The following SYT16 variants were observed in gnomAD, a reference collection of about 807,000 sequenced individuals.
SYT16 encodes the protein synaptotagmin-16.
A neutral mutation model predicts 61.4 loss-of-function variants in SYT16; 42 were observed. That is an observed-to-expected ratio of 0.68 (90% CI 0.53 to 0.89). The LOEUF is 0.89. Ranked by LOEUF, SYT16 falls within the 40% of genes least tolerant of loss-of-function variation. The pLI is 0.00. For synonymous variants in SYT16, 314 were observed against 302.3 expected, an observed-to-expected ratio of 1.04 and a Z score of -0.40; for missense variants, 804 against 807.3, an observed-to-expected ratio of 1.00 and a Z score of 0.05.
chr14:62,026,861 G>A (rs1017508800), intron 3 of SYT16, among the ~76,000 whole-genome samples: 2 of 151,944 alleles, frequency 1.3e-5, no homozygotes, highest in African/African-American at 4.8e-5. Flanking sequence ...TGTCCTTTTT[G>A]CTTTTAAGAG....
intron 4 of SYT16, among the ~76,000 whole-genome samples, chr14:62,071,916 C>A (rs1303404006): frequency 6.6e-6 from 1 of 152,164 alleles, no homozygotes; most frequent in African/African-American, 2.4e-5. Context: ...TGAAATCCTT[C>A]ATTCTAGATT....
chr14:61,900,800 A>G (rs2048486101), intron 1 of SYT16, among the ~76,000 whole-genome samples: 1 of 152,170 alleles, frequency 6.6e-6, no homozygotes, highest in African/African-American at 2.4e-5. Context: ...GGCTTGGACT[A>G]TGTACCCACC....
chr14:62,064,248 C>G (rs1056049055), intron 3 of SYT16, among the ~76,000 whole-genome samples: 1 of 140,530 alleles, frequency 7.1e-6, no homozygotes, highest in African/African-American at 2.7e-5. Context: ...ATGAAACCCA[C>G]ATCAGCTATT....
chr14:62,041,906 C>A (rs534216757), intron 3 of SYT16, among the ~76,000 whole-genome samples: 3 of 152,262 alleles, frequency 2.0e-5, no homozygotes, highest in South Asian at 2.1e-4. Context: ...TTTTATTCTG[C>A]ATTGCCCAAA....
chr14:62,066,071 A>T (rs533164506), intron 3 of SYT16, among the ~76,000 whole-genome samples: 3 of 152,348 alleles, frequency 2.0e-5, no homozygotes, highest in East Asian at 1.9e-4. Context: ...AACAAATCAA[A>T]TGTTGATGCA....
intron 1 of SYT16, among the ~76,000 whole-genome samples, chr14:61,814,018 C>G (rs944824991): frequency 6.6e-6 from 1 of 152,052 alleles, no homozygotes; most frequent in Non-Finnish European, 1.5e-5. Flanking sequence ...TGGCACTGTC[C>G]TCAGTTTCTC....
At chr14:61,842,799 T>C (rs2046337691) in intron 1 of SYT16, among the ~76,000 whole-genome samples, 2 of 151,422 alleles carry the variant, frequency 1.3e-5, no homozygotes, top group Admixed American at 6.6e-5. Flanking sequence ...CGGGGAGGGA[T>C]AGCATTAGGA....
chr14:61,842,609 G>A (rs1236449384), intron 1 of SYT16, among the ~76,000 whole-genome samples: 1 of 152,148 alleles, frequency 6.6e-6, no homozygotes, highest in Non-Finnish European at 1.5e-5. Context: ...AAAATGATGA[G>A]TTCATGTCCT....
chr14:62,095,755 T>G (rs1162920583), intron 7 of SYT16, among the ~76,000 whole-genome samples: 4 of 152,064 alleles, frequency 2.6e-5, no homozygotes, highest in Admixed American at 2.6e-4. Flanking sequence ...TAGTTTGTTT[T>G]TTTATCTTGT....
intron 1 of SYT16, among the ~76,000 whole-genome samples, chr14:61,919,421 T>C (rs1432498312): frequency 1.3e-5 from 2 of 152,222 alleles, no homozygotes; most frequent in African/African-American, 4.8e-5. Context: ...AGTTCGAGAC[T>C]CATCTCACTG....
intron 1 of SYT16, among the ~76,000 whole-genome samples, chr14:61,922,531 G>C (rs1039319404): frequency 5.3e-5 from 8 of 152,190 alleles, no homozygotes; most frequent in Admixed American, 1.3e-4. Flanking sequence ...GAGCCCACTT[G>C]AGGGTAGAGA....
intron 1 of SYT16, among the ~76,000 whole-genome samples, chr14:61,829,170 A>T (rs547827111): frequency 6.6e-6 from 1 of 152,182 alleles, no homozygotes; most frequent in Non-Finnish European, 1.5e-5. Context: ...ACTTGTTGGC[A>T]TTCTGCTTGA....
chr14:61,851,824 G>A (rs1169852560), intron 1 of SYT16, among the ~76,000 whole-genome samples: 3 of 152,212 alleles, frequency 2.0e-5, no homozygotes, highest in African/African-American at 4.8e-5. Flanking sequence ...TTCATCGGAT[G>A]GATAGATTGC....
chr14:62,046,791 C>G (rs1005833972), intron 3 of SYT16, among the ~76,000 whole-genome samples: 1 of 152,126 alleles, frequency 6.6e-6, no homozygotes. Flanking sequence ...TCTGAGGGCT[C>G]TGTTCTGTTC....
intron 1 of SYT16, among the ~76,000 whole-genome samples, chr14:61,851,727 A>T (rs935081366): frequency 6.6e-6 from 1 of 152,106 alleles, no homozygotes; most frequent in Non-Finnish European, 1.5e-5. Flanking sequence ...GTGTCTATTC[A>T]TGTCTTTTGC....
intron 1 of SYT16, among the ~76,000 whole-genome samples, chr14:61,957,914 C>T (rs2050947397): frequency 6.6e-6 from 1 of 151,862 alleles, no homozygotes; most frequent in Non-Finnish European, 1.5e-5. Flanking sequence ...ACTTATGAAG[C>T]CATCTTGTCC....
At chr14:61,890,681 TGTATGTTAGTAAATTGC>T (rs1198965988) in intron 1 of SYT16, among the ~76,000 whole-genome samples, 4 of 152,096 alleles carry the variant, frequency 2.6e-5, no homozygotes, top group African/African-American at 9.7e-5. Context: ...ACAGAAATTG[TGTATGTTAGTAAATTGC>T]GTATGTTAGT....
chr14:61,955,665 C>A (rs972253900), intron 1 of SYT16, among the ~76,000 whole-genome samples: 2 of 151,676 alleles, frequency 1.3e-5, no homozygotes, highest in African/African-American at 4.8e-5. Flanking sequence ...ATGTATATAC[C>A]ACATTTTCTT....
chr14:62,094,940 C>G (rs1261615368), intron 7 of SYT16, among the ~76,000 whole-genome samples: 1 of 152,018 alleles, frequency 6.6e-6, no homozygotes, highest in African/African-American at 2.4e-5. Flanking sequence ...TTGTCATCTT[C>G]TAATGCCTAC....
Sources: gnomAD v4.1 joint callset for allele counts (sites outside exome capture counted in the v4.1 genomes callset) on GRCh38, gnomAD v4.1.1 for gene constraint, MANE v1.5 for transcripts, NCBI Gene and HGNC (gene_info 2026-07-23, HGNC 2026-07-21) for gene names.